The following FOXN2 variants were observed in gnomAD, a reference collection of about 807,000 sequenced individuals.
FOXN2 encodes forkhead box protein N2.
A neutral mutation model predicts 41.2 loss-of-function variants in FOXN2; 19 were observed. That is an observed-to-expected ratio of 0.46 (90% CI 0.32 to 0.68). FOXN2 has a LOEUF of 0.68. Among genes scored for constraint, FOXN2 ranks in the 30% least tolerant of loss-of-function variants. FOXN2 has a pLI of 0.03. For missense variants in FOXN2, 587 were observed against 509.4 expected, an observed-to-expected ratio of 1.15 and a Z score of -1.47; for synonymous variants, 195 against 176.8, an observed-to-expected ratio of 1.10 and a Z score of -0.82.
At chr2:48,315,072 A>C (rs1668809069) in intron 1 of FOXN2, among the ~76,000 whole-genome samples, 1 of 151,718 alleles carries the variant, frequency 6.6e-6, no homozygotes, top group Non-Finnish European at 1.5e-5. Context: ...GTGAGGAGTT[A>C]GGAGTTTTTC....
chr2:48,375,730 T>A lies in FOXN2; in HGVS notation c.*287T>A, dbSNP rs936193297. The A allele has an allele frequency of 4.0e-6, 1 of 248,988 alleles. No individual in the cohort carries two copies. The allele number at this position is 248,988 out of a possible 1,614,324, so 15.4% of individuals were successfully genotyped here. A position where few individuals can be genotyped will look rare whatever the true frequency, so the allele number is the denominator to read the frequency against. ...AAATCCCCAGCCTCTGTCTTAAACT[T>A]GTGGGACAAAAATCCTTTCTTCTGT... On this transcript the variant is annotated 3_prime_UTR_variant, in exon 7 of 7. Coordinates refer to ENST00000340553, the MANE Select transcript of FOXN2 (RefSeq NM_002158.4).
intron 1 of FOXN2, among the ~76,000 whole-genome samples, chr2:48,321,273 T>C (rs991036162): frequency 3.9e-5 from 6 of 152,242 alleles, no homozygotes; most frequent in East Asian, 1.9e-4. Flanking sequence ...CAGTGGCTCA[T>C]GCCTGTAATC....
At chr2:48,329,524 A>G (rs1558614460) in intron 2 of FOXN2, among the ~76,000 whole-genome samples, 1 of 152,062 alleles carries the variant, frequency 6.6e-6, no homozygotes, top group Non-Finnish European at 1.5e-5. Flanking sequence ...CCCCTTGACT[A>G]GAAAATGCAG....
intron 2 of FOXN2, among the ~76,000 whole-genome samples, chr2:48,344,884 T>C (rs1248444638): frequency 7.2e-6 from 1 of 138,784 alleles, no homozygotes; most frequent in Non-Finnish European, 1.5e-5. Flanking sequence ...ATAAGTGGGT[T>C]GAATAGGATA....
chr2:48,350,245 T>C (rs1671365820), intron 3 of FOXN2, among the ~76,000 whole-genome samples: 1 of 152,234 alleles, frequency 6.6e-6, no homozygotes, highest in South Asian at 2.1e-4. Context: ...AAGCCAGTTT[T>C]CTGCTCATTC....
Position 48,353,636 on chromosome 2 carries a change from A to G in FOXN2, c.538-5411A>G, listed in dbSNP as rs757333154. ...AGAAAGGGGGGAGTGATATTATTCA[A>G]TAACCTTTTAAAAGCTCAGCATCTT... On this transcript the variant is annotated intron_variant, in intron 3 of 6. Coordinates refer to ENST00000340553, the MANE Select transcript of FOXN2 (RefSeq NM_002158.4). Among the ~76,000 whole-genome samples the G allele has an allele frequency of 9.3e-5, 14 of 150,756 alleles. No individual in the cohort carries two copies. The South Asian group carries it at 1.3e-3, about 13-fold the overall frequency.
intron 1 of FOXN2, among the ~76,000 whole-genome samples, chr2:48,317,769 G>A (rs1669027475): frequency 6.6e-6 from 1 of 151,278 alleles, no homozygotes; most frequent in Non-Finnish European, 1.5e-5. Flanking sequence ...CACCAAGCCT[G>A]GCTTATTTTT....
intron 2 of FOXN2, among the ~76,000 whole-genome samples, chr2:48,330,877 C>G (rs1669978525): frequency 6.6e-6 from 1 of 152,062 alleles, no homozygotes; most frequent in African/African-American, 2.4e-5. Flanking sequence ...TGGTGAGAAA[C>G]AATTTTATCT....
chr2:48,375,514 C>G lies in FOXN2; in HGVS notation c.*71C>G. The G allele has an allele frequency of 7.1e-7, 1 of 1,403,924 alleles. No individual in the cohort carries two copies. Among genetic ancestry groups the G allele is most frequent in the Non-Finnish European group, 9.5e-7 (1 of 1,051,456 alleles). 87.0% of individuals were successfully genotyped at this position (1,403,924 alleles called of 1,614,324 possible). A position where few individuals can be genotyped will look rare whatever the true frequency, so the allele number is the denominator to read the frequency against. ...GGGATATCAAAGCCATAATGGACTTCATTAGTTTTAGGGTAGGGAAGGGAT... is the reference window on the plus strand; with the variant it reads ...GGGATATCAAAGCCATAATGGACTTGATTAGTTTTAGGGTAGGGAAGGGAT... On this transcript the variant is annotated 3_prime_UTR_variant, in exon 7 of 7. Transcript: ENST00000340553.
chr2:48,313,853 T>TTA (rs1668701733), upstream of FOXN2, among the ~76,000 whole-genome samples: 6 of 152,208 alleles, frequency 3.9e-5, no homozygotes, highest in South Asian at 8.3e-4. Flanking sequence ...CGGGATATTC[T>TTA]TATATTTTTA....
In FOXN2 at chr2:48,376,951, T is replaced by C. The variant is rs935168198; in HGVS notation, c.*1508T>C. Reference sequence around the variant, plus strand: ...GATTTGCTTTCAGCTGTTTCTGTGATTATAAAGCATTTTTTAAGAGACAAA... The same window carrying C: ...GATTTGCTTTCAGCTGTTTCTGTGACTATAAAGCATTTTTTAAGAGACAAA... On this transcript the variant is annotated 3_prime_UTR_variant, in exon 7 of 7. Coordinates refer to ENST00000340553, the MANE Select transcript of FOXN2 (RefSeq NM_002158.4). 6.6e-6 allele frequency: 1 copy of C among 152,450 alleles called. No individual in the cohort carries two copies. Among genetic ancestry groups the C allele is most frequent in the African/African-American group, 2.4e-5 (1 of 41,458 alleles). 9.4% of individuals were successfully genotyped at this position (152,450 alleles called of 1,614,324 possible). A position where few individuals can be genotyped will look rare whatever the true frequency, so the allele number is the denominator to read the frequency against.
chr2:48,359,501 C>T (rs1282613648), intron 4 of FOXN2, among the ~76,000 whole-genome samples: 1 of 151,984 alleles, frequency 6.6e-6, no homozygotes, highest in Non-Finnish European at 1.5e-5. Flanking sequence ...ACCATGTTGG[C>T]CTGGGTGGTC....
intron 5 of FOXN2, among the ~76,000 whole-genome samples, chr2:48,366,609 T>G (rs1672552430): frequency 6.6e-6 from 1 of 152,156 alleles, no homozygotes; most frequent in Non-Finnish European, 1.5e-5. Flanking sequence ...AACATCCTCC[T>G]CTGCCTAGAA....
At chr2:48,323,475 T>C (rs1166247624) in intron 1 of FOXN2, among the ~76,000 whole-genome samples, 3 of 152,220 alleles carry the variant, frequency 2.0e-5, no homozygotes, top group Non-Finnish European at 2.9e-5. Context: ...AATTTGCATT[T>C]ATCTGATGAT....
intron 2 of FOXN2, among the ~76,000 whole-genome samples, chr2:48,339,164 C>T (rs954303165): frequency 2.0e-5 from 3 of 152,150 alleles, no homozygotes; most frequent in African/African-American, 7.2e-5. Context: ...AAAAGGTCTT[C>T]TGCCCTGTTA....
intron 3 of FOXN2, among the ~76,000 whole-genome samples, chr2:48,357,233 C>T (rs1671853459): frequency 6.6e-6 from 1 of 152,118 alleles, no homozygotes; most frequent in Non-Finnish European, 1.5e-5. Context: ...TTTTCAATAC[C>T]AGTTTTTCCA....
chr2:48,366,214 G>A (rs985372856), intron 5 of FOXN2, among the ~76,000 whole-genome samples: 4 of 152,058 alleles, frequency 2.6e-5, no homozygotes, highest in African/African-American at 9.7e-5. Context: ...AAAATTAGCT[G>A]GGTGTGTGTT....
chr2:48,327,541 G>A (rs1432488245), intron 1 of FOXN2, among the ~76,000 whole-genome samples: 1 of 152,062 alleles, frequency 6.6e-6, no homozygotes, highest in Non-Finnish European at 1.5e-5. Flanking sequence ...TCCCTCCTGG[G>A]TTCAAGGGAT....
chr2:48,365,919 A>G (rs1222189297), intron 5 of FOXN2, among the ~76,000 whole-genome samples: 1 of 152,184 alleles, frequency 6.6e-6, no homozygotes, highest in Non-Finnish European at 1.5e-5. Flanking sequence ...TCTTTATATT[A>G]TTTCTAGAGA....
Sources: gnomAD v4.1 joint callset for allele counts (sites outside exome capture counted in the v4.1 genomes callset) on GRCh38, gnomAD v4.1.1 for gene constraint, MANE v1.5 for transcripts, NCBI Gene and HGNC (gene_info 2026-07-23, HGNC 2026-07-21) for gene names.